SRRM3: variants seen among roughly 807,000 people sequenced by gnomAD.
SRRM3 encodes the protein serine/arginine repetitive matrix protein 3.
SRRM3 carries 27 observed loss-of-function variants against 66.2 expected under a neutral mutation model. That is an observed-to-expected ratio of 0.41 (90% CI 0.30 to 0.56). SRRM3 has a LOEUF of 0.56. Among genes scored for constraint, SRRM3 ranks in the 20% least tolerant of loss-of-function variants. SRRM3 has a pLI of 0.32. For synonymous variants in SRRM3, 391 were observed against 414.9 expected (o/e 0.94, Z 0.70); for missense variants, 918 against 991.9 (o/e 0.93, Z 1.00).
intron 1 of SRRM3, among the ~76,000 whole-genome samples, chr7:76,207,832 G>A (rs782522115): frequency 3.9e-5 from 6 of 151,984 alleles, no homozygotes; most frequent in South Asian, 2.1e-4. Context: ...AGCTGAGATC[G>A]CACCACTGCA....
intron 3 of SRRM3, 115 bp from the exon 4 acceptor site, chr7:76,259,791 C>G: frequency 3.9e-6 from 6 of 1,533,778 alleles, no homozygotes; most frequent in Non-Finnish European, 5.3e-6. Context: ...TCGCCCCTCC[C>G]CCAGCCGGGT....
At chr7:76,213,915 G>A (rs1293970354) in intron 1 of SRRM3, among the ~76,000 whole-genome samples, 2 of 152,010 alleles carry the variant, frequency 1.3e-5, no homozygotes, top group African/African-American at 2.4e-5. Flanking sequence ...GACTACAGGT[G>A]CATGTCACCA....
chr7:76,206,684 A>C (rs1248100350), intron 1 of SRRM3, among the ~76,000 whole-genome samples: 3 of 152,180 alleles, frequency 2.0e-5, no homozygotes, highest in African/African-American at 7.2e-5. Context: ...CCTAGAAGAC[A>C]GGCCCCTGGG....
At chr7:76,221,207 G>A (rs987432858) in intron 1 of SRRM3, among the ~76,000 whole-genome samples, 88 of 149,846 alleles carry the variant, frequency 5.9e-4, no homozygotes, top group African/African-American at 1.6e-3. Flanking sequence ...ACAGGTGCCC[G>A]CCACCACACC....
intron 3 of SRRM3, among the ~76,000 whole-genome samples, chr7:76,253,616 G>A (rs1164132602): frequency 9.3e-5 from 14 of 150,960 alleles, no homozygotes; most frequent in African/African-American, 2.7e-4. Flanking sequence ...GCGACACTCC[G>A]TCTCAAAAAA....
At chr7:76,235,633 A>C (rs1307353184) in intron 2 of SRRM3, among the ~76,000 whole-genome samples, 2 of 152,080 alleles carry the variant, frequency 1.3e-5, no homozygotes, top group African/African-American at 4.8e-5. Context: ...TGAAAGGCCG[A>C]GGCGAGCGGA....
At chr7:76,264,731 G>A in intron 8 of SRRM3, 34 bp from the exon 9 acceptor site, 2 of 1,612,394 alleles carry the variant, frequency 1.2e-6, no homozygotes, top group Non-Finnish European at 1.7e-6. Context: ...CCCTCCCCGG[G>A]CCACACCATC....
intron 11 of SRRM3, among the ~76,000 whole-genome samples, chr7:76,277,796 G>A (rs1431665051): frequency 1.3e-5 from 2 of 151,752 alleles, no homozygotes; most frequent in East Asian, 3.9e-4. Context: ...TCAAACTCCA[G>A]AGTTGGAGCC....
chr7:76,285,086 C>T lies in SRRM3; in HGVS notation c.1734-529C>T, dbSNP rs1291351334. On this transcript the variant is annotated intron_variant, in intron 14 of 14. Coordinates refer to ENST00000611745, the MANE Select transcript of SRRM3 (RefSeq NM_001110199.3). The surrounding 1 kb of genome is among the most constrained non-coding windows in gnomAD (Gnocchi z 4.1). The stretch of plus-strand genomic sequence containing the variant: ...ATTCAACAAGTTTTTTTTTTTGAGA[C>T]GGAGTCTCACTCTGTCACCCAGGCT... Among the ~76,000 whole-genome samples, 3 of 151,844 alleles carry T rather than the reference C, an allele frequency of 2.0e-5. No individual in the cohort carries two copies. Among genetic ancestry groups the T allele is most frequent in the East Asian group, 1.9e-4 (1 of 5,156 alleles).
intron 12 of SRRM3, 98 bp from the exon 13 acceptor site, chr7:76,282,550 C>T: frequency 1.6e-6 from 1 of 618,498 alleles, no homozygotes; most frequent in Non-Finnish European, 2.5e-6. Context: ...ACACGGACCC[C>T]GCCCCTCCGC....
At chr7:76,270,645 CT>C (rs1313472043) in intron 11 of SRRM3, among the ~76,000 whole-genome samples, 7 of 152,062 alleles carry the variant, frequency 4.6e-5, no homozygotes, top group Non-Finnish European at 1.0e-4. Context: ...ACCCCCGTCT[CT>C]ACTAAAAATA....
rs548478583 is a variant in SRRM3, at chr7:76,276,187, G to A, written c.1009-5254G>A. Reference sequence around the variant, plus strand: ...CTGGGAACAGGGCTCAGAGGCAGGCGAGGTCCCTGATTCACTCACTCACTC... The same window carrying A: ...CTGGGAACAGGGCTCAGAGGCAGGCAAGGTCCCTGATTCACTCACTCACTC... On this transcript the variant is annotated intron_variant, in intron 11 of 14. Transcript: ENST00000611745. Among the ~76,000 whole-genome samples, 20 of 152,170 alleles carry A rather than the reference G, an allele frequency of 1.3e-4. No individual in the cohort carries two copies. The South Asian group carries it at 3.7e-3, about 28-fold the overall frequency.
rs371877692 is a variant in SRRM3, at chr7:76,255,099, C to A, written c.336-4807C>A. Among the ~76,000 whole-genome samples, 73 of 149,368 alleles carry A rather than the reference C, an allele frequency of 4.9e-4. 1 individual carries two copies. In the South Asian group the frequency reaches 0.015, roughly 31 times the overall value. On this transcript the variant is annotated intron_variant, in intron 3 of 14. Transcript: ENST00000611745. ...TGGCCTCAAGGCTAGCTACCCCTGT[C>A]ATATTTGGGTAACATTATTTTTCCT...
rs377259845 is a variant in SRRM3 at position 76,209,977 on chromosome 7, T to G, written c.-40+7910T>G. Among the ~76,000 whole-genome samples, 31 of 152,312 alleles carry G rather than the reference T, an allele frequency of 2.0e-4. No homozygotes were observed. The East Asian group carries it at 4.8e-3, about 24-fold the overall frequency. Reference sequence around the variant, plus strand: ...GAGCAATGCCATCAAATGCTCAGGTTTGCACTTCAGGAAGGCCCCTCTGCC... The same window carrying G: ...GAGCAATGCCATCAAATGCTCAGGTGTGCACTTCAGGAAGGCCCCTCTGCC... On this transcript the variant is annotated intron_variant, in intron 1 of 14. Transcript: ENST00000611745.
chr7:76,287,185 T>C lies in SRRM3; in HGVS notation c.*1342T>C, dbSNP rs1802704132. Reference sequence around the variant, plus strand: ...CCCCGGGCTCCAGTGGGGGGAGGGGTCTGGGGTCTGGTCCGGGTTCCCCGC... The same window carrying C: ...CCCCGGGCTCCAGTGGGGGGAGGGGCCTGGGGTCTGGTCCGGGTTCCCCGC... On this transcript the variant is annotated 3_prime_UTR_variant, in exon 15 of 15. Coordinates refer to ENST00000611745, the MANE Select transcript of SRRM3 (RefSeq NM_001110199.3). The C allele has an allele frequency of 1.3e-5, 2 of 152,346 alleles. No homozygotes were observed. Among genetic ancestry groups the C allele is most frequent in the African/African-American group, 4.8e-5 (2 of 41,286 alleles). 9.4% of individuals were successfully genotyped at this position (152,346 alleles called of 1,614,324 possible).
chr7:76,210,793 C>T lies in SRRM3; in HGVS notation c.-40+8726C>T, dbSNP rs782115288. On this transcript the variant is annotated intron_variant, in intron 1 of 14. Transcript: ENST00000611745. ...GAGGAGCAGGACAGTCCTTGAGCCC[C>T]AGCAGCCCTGGATAATTTTTTTTTT... Among the ~76,000 whole-genome samples the T allele has an allele frequency of 9.7e-4, 147 of 151,846 alleles. 1 individual carries two copies. The highest frequency in any genetic ancestry group is 7.9e-4 in the Non-Finnish European group (54 of 67,968).
intron 11 of SRRM3, among the ~76,000 whole-genome samples, chr7:76,278,596 G>A (rs1219257562): frequency 1.3e-5 from 2 of 152,202 alleles, no homozygotes; most frequent in African/African-American, 4.8e-5. Flanking sequence ...TGCTCAGAGG[G>A]GCACCCCAAA....
At chr7:76,260,059 G>A (rs1554608330) in intron 4 of SRRM3, 25 bp downstream of exon 4, 5 of 1,481,060 alleles carry the variant, frequency 3.4e-6, no homozygotes, top group East Asian at 2.7e-5. Context: ...CGGCGGGGGT[G>A]GGGGGCGCGC....
intron 1 of SRRM3, among the ~76,000 whole-genome samples, chr7:76,229,904 T>C (rs1800972058): frequency 6.6e-6 from 1 of 152,022 alleles, no homozygotes; most frequent in South Asian, 2.1e-4. Context: ...CCACCATGAC[T>C]GGCTAATTTT....
Sources: allele counts gnomAD v4.1 joint callset (sites outside exome capture counted in the v4.1 genomes callset), GRCh38; gene constraint gnomAD v4.1.1; non-coding constraint Gnocchi (gnomAD v3.1); transcripts MANE v1.5; gene names NCBI Gene and HGNC (gene_info 2026-07-23, HGNC 2026-07-21).